The following OR10A7 variants were observed in gnomAD, a reference collection of about 807,000 sequenced individuals.
OR10A7 encodes olfactory receptor family 10 subfamily A member 7, also known as olfactory receptor 10A7.
For missense variants in OR10A7, 434 were observed against 383.6 expected (o/e 1.13, Z -1.10); for synonymous variants, 151 against 137.2 (o/e 1.10, Z -0.70).
chr12:55,221,714 T>C lies in OR10A7; in HGVS notation c.690T>C (p.Ser230=). Residue 230 remains serine, a synonymous_variant, in exon 1 of 1, where the codon TCT becomes TCC. Coordinates refer to ENST00000326258, the MANE Select transcript of OR10A7 (RefSeq NM_001005280.1). ...RIIITILRMS[S]ATGRQKAFST... is the part of the protein sequence containing the mutation. ...TCATAACAATTCTGAGGATGTCCTCTGCCACTGGCCGCCAGAAGGCATTTT... is the reference window on the plus strand; with the variant it reads ...TCATAACAATTCTGAGGATGTCCTCCGCCACTGGCCGCCAGAAGGCATTTT... 6.2e-7 allele frequency: 1 copy of C among 1,613,822 alleles called. No homozygotes were observed. The highest frequency in any genetic ancestry group is 8.5e-7 in the Non-Finnish European group (1 of 1,179,848).
chr12:55,221,333 C>T lies in OR10A7; in HGVS notation c.309C>T (p.Phe103=). 1 of 1,613,848 alleles carries T rather than the reference C, an allele frequency of 6.2e-7. No individual in the cohort carries two copies. Among genetic ancestry groups the T allele is most frequent in the East Asian group, 2.2e-5 (1 of 44,864 alleles). Residue 103 remains phenylalanine, a synonymous_variant, in exon 1 of 1, where the codon TTC becomes TTT. Coordinates refer to ENST00000326258, the MANE Select transcript of OR10A7 (RefSeq NM_001005280.1). ...TGGGCTGTGGTACCCAGATGTACTTCTTCTTCTTCTTTGGCAGTTCTGAAT... is the reference window on the plus strand; with the variant it reads ...TGGGCTGTGGTACCCAGATGTACTTTTTCTTCTTCTTTGGCAGTTCTGAAT... ...SFVGCGTQMY[F]FFFFGSSECF...
At position 55,221,557 on chromosome 12, in the gene OR10A7, T is replaced by C; in HGVS notation, c.533T>C (p.Phe178Ser). Residue 178 changes from phenylalanine to serine, a missense_variant, in exon 1 of 1, where the codon TTC (phenylalanine) becomes TCC (serine). Physicochemically the swap from Phe to Ser is radical, Grantham distance 155. Transcript: ENST00000326258. ...FCGPNAVDHF[F>S]CDGPPVLKLV... ...GGACCAAATGCCGTGGACCACTTTTTCTGTGATGGTCCCCCAGTGTTAAAA... is the reference window on the plus strand; with the variant it reads ...GGACCAAATGCCGTGGACCACTTTTCCTGTGATGGTCCCCCAGTGTTAAAA... 6.2e-7 allele frequency: 1 copy of C among 1,613,888 alleles called. No homozygotes were observed. Among genetic ancestry groups the C allele is most frequent in the Non-Finnish European group, 8.5e-7 (1 of 1,179,892 alleles).
chr12:55,221,314 G>A lies in OR10A7; in HGVS notation c.290G>A (p.Cys97Tyr). 6.2e-7 allele frequency: 1 copy of A among 1,613,962 alleles called. No homozygotes were observed. Among genetic ancestry groups the A allele is most frequent in the Non-Finnish European group, 8.5e-7 (1 of 1,179,930 alleles). The change falls in exon 1 of 1, where the codon TGT becomes TAT. Residue 97 changes from cysteine (C) to tyrosine (Y), a missense_variant. Cys to Tyr is a radical substitution (Grantham distance 194). Coordinates refer to ENST00000326258, the MANE Select transcript of OR10A7 (RefSeq NM_001005280.1). ...SPRKIISFVG[C>Y]GTQMYFFFFF... ...AGGAAAATTATCTCTTTTGTGGGCTGTGGTACCCAGATGTACTTCTTCTTC... is the reference window on the plus strand; with the variant it reads ...AGGAAAATTATCTCTTTTGTGGGCTATGGTACCCAGATGTACTTCTTCTTC...
chr12:55,221,692 T>C lies in OR10A7; in HGVS notation c.668T>C (p.Ile223Thr), dbSNP rs1046541295. The part of the protein sequence containing the change: ...LILVSYTRII[I>T]TILRMSSATG... ...TTGGTTTCCTACACCCGCATTATCATAACAATTCTGAGGATGTCCTCTGCC... is the reference window on the plus strand; with the variant it reads ...TTGGTTTCCTACACCCGCATTATCACAACAATTCTGAGGATGTCCTCTGCC... Residue 223 changes from isoleucine to threonine, a missense_variant, in exon 1 of 1, where the codon ATA becomes ACA. Physicochemically the swap from Ile to Thr is moderately conservative, Grantham distance 89. Transcript: ENST00000326258. 20 of 1,613,698 alleles carry C rather than the reference T, an allele frequency of 1.2e-5. No individual in the cohort carries two copies. The highest frequency in any genetic ancestry group is 1.4e-5 in the Non-Finnish European group (17 of 1,179,872).
At position 55,221,571 on chromosome 12, in the gene OR10A7, C is replaced by T; in HGVS notation, c.547C>T (p.Pro183Ser). 6.2e-7 allele frequency: 1 copy of T among 1,613,662 alleles called. No individual in the cohort carries two copies. The highest frequency in any genetic ancestry group is 8.5e-7 in the Non-Finnish European group (1 of 1,179,854). The change falls in exon 1 of 1, where the codon CCA (proline) becomes TCA (serine). Residue 183 changes from proline to serine, a missense_variant. Transcript: ENST00000326258. ...AVDHFFCDGPPVLKLVTVDTT... is the reference protein window; with the variant it reads ...AVDHFFCDGPSVLKLVTVDTT... The stretch of plus-strand genomic sequence containing the variant: ...GGACCACTTTTTCTGTGATGGTCCC[C>T]CAGTGTTAAAACTAGTCACAGTGGA...
rs865834360 is a variant in OR10A7 at position 55,221,568 on chromosome 12, C to G, written c.544C>G (p.Pro182Ala). ...NAVDHFFCDG[P>A]PVLKLVTVDT... ...CGTGGACCACTTTTTCTGTGATGGTCCCCCAGTGTTAAAACTAGTCACAGT... is the reference window on the plus strand; with the variant it reads ...CGTGGACCACTTTTTCTGTGATGGTGCCCCAGTGTTAAAACTAGTCACAGT... Residue 182 changes from proline (P) to alanine (A), a missense_variant, in exon 1 of 1, where the codon CCC becomes GCC. Transcript: ENST00000326258. 1 of 1,613,702 alleles carries G rather than the reference C, an allele frequency of 6.2e-7. No individual in the cohort carries two copies. Among genetic ancestry groups the G allele is most frequent in the Non-Finnish European group, 8.5e-7 (1 of 1,179,816 alleles).
rs745420630 is a variant in OR10A7 at position 55,221,320 on chromosome 12, C to G, written c.296C>G (p.Thr99Ser). ...ATTATCTCTTTTGTGGGCTGTGGTA[C>G]CCAGATGTACTTCTTCTTCTTCTTT... ...RKIISFVGCG[T>S]QMYFFFFFGS... Residue 99 changes from threonine to serine, a missense_variant, in exon 1 of 1, where the codon ACC (threonine) becomes AGC (serine). Thr to Ser is a moderately conservative substitution (Grantham distance 58). Transcript: ENST00000326258. 17 of 1,613,908 alleles carry G rather than the reference C, an allele frequency of 1.1e-5. No individual in the cohort carries two copies. Among genetic ancestry groups the G allele is most frequent in the Non-Finnish European group, 1.4e-5 (17 of 1,179,884 alleles).
chr12:55,221,900 G>A lies in OR10A7; in HGVS notation c.876G>A (p.Leu292=). ...TGCTAAACCCCATCATCTACGGCCT[G>A]AGGAACAATGAAGTGAAAGGGGCTG... The part of the protein sequence containing the change: ...TPMLNPIIYG[L]RNNEVKGAVK... The change falls in exon 1 of 1, where the codon CTG becomes CTA. Residue 292 remains leucine, a synonymous_variant. Transcript: ENST00000326258. The A allele has an allele frequency of 1.9e-6, 3 of 1,613,178 alleles. No homozygotes were observed. Among genetic ancestry groups the A allele is most frequent in the Middle Eastern group, 1.7e-4 (1 of 6,058 alleles).
In OR10A7 at chr12:55,221,184, G is replaced by T; in HGVS notation, c.160G>T (p.Ala54Ser). Residue 54 changes from alanine (A) to serine (S), a missense_variant, in exon 1 of 1, where the codon GCA becomes TCA. By Grantham distance (99) the Ala-to-Ser change is moderately conservative. Transcript: ENST00000326258. ...TGTCACAGTTACCAGTGTGGATCTCGCACTTCAAACACCCATGTACTTCTT... is the reference window on the plus strand; with the variant it reads ...TGTCACAGTTACCAGTGTGGATCTCTCACTTCAAACACCCATGTACTTCTT... The part of the protein sequence containing the change: ...LIVTVTSVDL[A>S]LQTPMYFFLQ... The T allele has an allele frequency of 6.2e-7, 1 of 1,604,724 alleles. No individual in the cohort carries two copies. Among genetic ancestry groups the T allele is most frequent in the Non-Finnish European group, 8.5e-7 (1 of 1,175,866 alleles).
Position 55,221,518 on chromosome 12 carries a change from C to T in OR10A7, c.494C>T (p.Ala165Val), listed in dbSNP as rs528629616. The T allele has an allele frequency of 6.2e-6, 10 of 1,613,402 alleles. No homozygotes were observed. In the African/African-American group the frequency reaches 1.2e-4, roughly 19 times the overall value. ...ATGCTACAGACAGCTTGGATGATGG[C>T]CCTTCCTTTCTGTGGACCAAATGCC... ...VSMLQTAWMM[A>V]LPFCGPNAVD... Residue 165 changes from alanine to valine, a missense_variant, in exon 1 of 1, where the codon GCC becomes GTC. Coordinates refer to ENST00000326258, the MANE Select transcript of OR10A7 (RefSeq NM_001005280.1).
Position 55,221,909 on chromosome 12 carries a change from T to C in OR10A7, c.885T>C (p.Asn295=). The C allele has an allele frequency of 1.2e-6, 2 of 1,612,952 alleles. No homozygotes were observed. The highest frequency in any genetic ancestry group is 2.2e-5 in the East Asian group (1 of 44,858). ...LNPIIYGLRN[N]EVKGAVKRTI... The stretch of plus-strand genomic sequence containing the variant: ...CCATCATCTACGGCCTGAGGAACAA[T>C]GAAGTGAAAGGGGCTGTCAAGAGGA... The change falls in exon 1 of 1, where the codon AAT becomes AAC. Residue 295 remains asparagine, a synonymous_variant. Coordinates refer to ENST00000326258, the MANE Select transcript of OR10A7 (RefSeq NM_001005280.1).
Position 55,221,452 on chromosome 12 carries a change from G to C in OR10A7, c.428G>C (p.Trp143Ser). 1 of 1,613,748 alleles carries C rather than the reference G, an allele frequency of 6.2e-7. No homozygotes were observed. The highest frequency in any genetic ancestry group is 8.5e-7 in the Non-Finnish European group (1 of 1,179,842). ...ATAATGAACAGGTCCCTATGCTTGTGGATGGCCATAGGCTCTTGGATGTCC... is the reference window on the plus strand; with the variant it reads ...ATAATGAACAGGTCCCTATGCTTGTCGATGGCCATAGGCTCTTGGATGTCC... ...SVIMNRSLCLWMAIGSWMSGV... is the reference protein window; with the variant it reads ...SVIMNRSLCLSMAIGSWMSGV... The change falls in exon 1 of 1, where the codon TGG (tryptophan) becomes TCG (serine). Residue 143 changes from tryptophan (W) to serine (S), a missense_variant. Physicochemically the swap from Trp to Ser is radical, Grantham distance 177 (BLOSUM62 -3). Transcript: ENST00000326258.
chr12:55,221,252 T>A lies in OR10A7; in HGVS notation c.228T>A (p.Val76=), dbSNP rs770449484. Residue 76 remains valine (V), a synonymous_variant, in exon 1 of 1, where the codon GTT becomes GTA. Transcript: ENST00000326258. ...LSLLEVCFTL[V]MVPKMLVDLV... ...TTCTTGAAGTATGTTTCACCTTGGT[T>A]ATGGTGCCAAAAATGCTTGTAGATC... The A allele has an allele frequency of 1.2e-6, 2 of 1,613,926 alleles. No homozygotes were observed. Among genetic ancestry groups the A allele is most frequent in the Non-Finnish European group, 1.7e-6 (2 of 1,179,874 alleles).
chr12:55,221,517 G>A lies in OR10A7; in HGVS notation c.493G>A (p.Ala165Thr). 3 of 1,613,562 alleles carry A rather than the reference G, an allele frequency of 1.9e-6. No individual in the cohort carries two copies. Among genetic ancestry groups the A allele is most frequent in the Non-Finnish European group, 2.5e-6 (3 of 1,179,874 alleles). Reference protein sequence around the residue: ...VSMLQTAWMMALPFCGPNAVD... With the variant: ...VSMLQTAWMMTLPFCGPNAVD... ...TATGCTACAGACAGCTTGGATGATGGCCCTTCCTTTCTGTGGACCAAATGC... is the reference window on the plus strand; with the variant it reads ...TATGCTACAGACAGCTTGGATGATGACCCTTCCTTTCTGTGGACCAAATGC... Residue 165 changes from alanine to threonine, a missense_variant, in exon 1 of 1, where the codon GCC becomes ACC. Coordinates refer to ENST00000326258, the MANE Select transcript of OR10A7 (RefSeq NM_001005280.1).
chr12:55,221,974 G>C lies in OR10A7; in HGVS notation c.950G>C (p.Ter317SerextTer?). The C allele has an allele frequency of 6.3e-7, 1 of 1,578,740 alleles. No homozygotes were observed. The highest frequency in any genetic ancestry group is 1.1e-5 in the South Asian group (1 of 90,326). ...QKVLQKLDVF[*>S] Reference sequence around the variant, plus strand: ...GTCTTACAGAAGTTAGATGTGTTTTGACTTCTATTGTGTAAGAATGCTTCC... The same window carrying C: ...GTCTTACAGAAGTTAGATGTGTTTTCACTTCTATTGTGTAAGAATGCTTCC... Residue 317 changes from the stop codon to serine, a stop_lost, in exon 1 of 1, where the codon TGA becomes TCA. Coordinates refer to ENST00000326258, the MANE Select transcript of OR10A7 (RefSeq NM_001005280.1).
chr12:55,221,296 T>C lies in OR10A7; in HGVS notation c.272T>C (p.Ile91Thr), dbSNP rs142456642. 4.3e-6 allele frequency: 7 copies of C among 1,613,874 alleles called. No individual in the cohort carries two copies. The highest frequency in any genetic ancestry group is 5.9e-6 in the Non-Finnish European group (7 of 1,179,892). ...MLVDLVSPRK[I>T]ISFVGCGTQM... ...GTAGATCTAGTGTCCCCAAGGAAAA[T>C]TATCTCTTTTGTGGGCTGTGGTACC... is the stretch of plus-strand genomic sequence containing the variant. The change falls in exon 1 of 1, where the codon ATT becomes ACT. Residue 91 changes from isoleucine (I) to threonine (T), a missense_variant. Transcript: ENST00000326258.
chr12:55,221,283 T>C lies in OR10A7; in HGVS notation c.259T>C (p.Ser87Pro). 6.2e-7 allele frequency: 1 copy of C among 1,613,924 alleles called. No homozygotes were observed. The highest frequency in any genetic ancestry group is 8.5e-7 in the Non-Finnish European group (1 of 1,179,898). Residue 87 changes from serine (S) to proline (P), a missense_variant, in exon 1 of 1, where the codon TCC becomes CCC. Coordinates refer to ENST00000326258, the MANE Select transcript of OR10A7 (RefSeq NM_001005280.1). ...GCCAAAAATGCTTGTAGATCTAGTG[T>C]CCCCAAGGAAAATTATCTCTTTTGT... is the stretch of plus-strand genomic sequence containing the variant. ...MVPKMLVDLV[S>P]PRKIISFVGC...
chr12:55,221,324 G>C lies in OR10A7; in HGVS notation c.300G>C (p.Gln100His), dbSNP rs769177951. Residue 100 changes from glutamine (Q) to histidine (H), a missense_variant, in exon 1 of 1, where the codon CAG (glutamine) becomes CAC (histidine). Physicochemically the swap from Gln to His is conservative, Grantham distance 24 (BLOSUM62 0). Transcript: ENST00000326258. ...KIISFVGCGT[Q>H]MYFFFFFGSS... is the part of the protein sequence containing the mutation. The stretch of plus-strand genomic sequence containing the variant: ...TCTCTTTTGTGGGCTGTGGTACCCA[G>C]ATGTACTTCTTCTTCTTCTTTGGCA... 3 of 1,613,908 alleles carry C rather than the reference G, an allele frequency of 1.9e-6. No individual in the cohort carries two copies. The highest frequency in any genetic ancestry group is 3.3e-5 in the Admixed American group (2 of 59,968).
In OR10A7 at chr12:55,221,894, C is replaced by T. The variant is rs375889018; in HGVS notation, c.870C>T (p.Tyr290=). The part of the protein sequence containing the change: ...VITPMLNPII[Y]GLRNNEVKGA... The stretch of plus-strand genomic sequence containing the variant: ...CACCTATGCTAAACCCCATCATCTA[C>T]GGCCTGAGGAACAATGAAGTGAAAG... The change falls in exon 1 of 1, where the codon TAC becomes TAT. Residue 290 remains tyrosine, a synonymous_variant. Coordinates refer to ENST00000326258, the MANE Select transcript of OR10A7 (RefSeq NM_001005280.1). The T allele has an allele frequency of 1.0e-4, 163 of 1,613,092 alleles. No homozygotes were observed. Among genetic ancestry groups the T allele is most frequent in the Middle Eastern group, 1.6e-4 (1 of 6,080 alleles).
Sources: gnomAD v4.1 joint callset for allele counts on GRCh38, gnomAD v4.1.1 for gene constraint, MANE v1.5 for transcripts, NCBI Gene and HGNC (gene_info 2026-07-23, HGNC 2026-07-21) for gene names.